The following INTS10 variants were observed in gnomAD, a reference collection of about 807,000 sequenced individuals.
The protein encoded by INTS10 is chromosome 8 open reading frame 35.
Under a neutral mutation model 94.4 loss-of-function variants are expected in INTS10, and 44 were observed. The ratio of observed to expected loss-of-function variants is 0.47; its 90% CI spans 0.37 to 0.60. The LOEUF (loss-of-function observed/expected upper bound fraction) is 0.60, where lower values mean the gene tolerates loss of function less well. INTS10 is among the 20% of genes least tolerant of loss of function. The probability of loss-of-function intolerance (pLI) is 0.00; values close to 1 mark genes in which losing one functional copy is unlikely to be tolerated. For synonymous variants in INTS10, 341 were observed against 320.7 expected, an observed-to-expected ratio of 1.06 and a Z score of -0.68; for missense variants, 797 against 868.7, an observed-to-expected ratio of 0.92 and a Z score of 1.04.
In INTS10 at chr8:19,844,254, G is replaced by A. The variant is rs1490543644; in HGVS notation, c.1882+16G>A. On this transcript the variant is annotated intron_variant, in intron 15 of 16. Coordinates refer to ENST00000397977, the MANE Select transcript of INTS10 (RefSeq NM_018142.4). The stretch of plus-strand genomic sequence containing the variant: ...TACGTTACAAGTATCCTTTTTTCTT[G>A]TTTAAGCATAACACATTCTGATTTT... 1.3e-6 allele frequency: 2 copies of A among 1,558,902 alleles called. No homozygotes were observed. The highest frequency in any genetic ancestry group is 2.7e-5 in the African/African-American group (2 of 73,654).
intron 16 of INTS10, among the ~76,000 whole-genome samples, chr8:19,850,215 C>G (rs2068919626): frequency 6.6e-6 from 1 of 152,098 alleles, no homozygotes; most frequent in Non-Finnish European, 1.5e-5. Flanking sequence ...GTAACCTCCG[C>G]TTGGTCAGAG....
chr8:19,826,500 G>T lies in INTS10; in HGVS notation c.1081G>T (p.Asp361Tyr). The T allele has an allele frequency of 6.2e-7, 1 of 1,613,204 alleles. No individual in the cohort carries two copies. Among genetic ancestry groups the T allele is most frequent in the Non-Finnish European group, 8.5e-7 (1 of 1,179,716 alleles). ...VSNVYGDVEI[D>Y]RNKHIHKKRK... Reference sequence around the variant, plus strand: ...GAATGTGTATGGTGATGTAGAAATTGATCGTAATAAACACATCCATAAAAA... The same window carrying T: ...GAATGTGTATGGTGATGTAGAAATTTATCGTAATAAACACATCCATAAAAA... Residue 361 changes from aspartate to tyrosine, a missense_variant, in exon 9 of 17, where the codon GAT becomes TAT. Physicochemically the swap from Asp to Tyr is radical, Grantham distance 160. Coordinates refer to ENST00000397977, the MANE Select transcript of INTS10 (RefSeq NM_018142.4).
In INTS10 at chr8:19,833,366, A is replaced by C. The variant is rs765463064; in HGVS notation, c.1530+45A>C. ...ATGCCTGCCGCAGGTGCACGGGGCC[A>C]CCTGGCCTTTCTCCTTTCCCTAGCG... On this transcript the variant is annotated intron_variant, in intron 12 of 16. Coordinates refer to ENST00000397977, the MANE Select transcript of INTS10 (RefSeq NM_018142.4). 14 of 1,413,844 alleles carry C rather than the reference A, an allele frequency of 9.9e-6. No homozygotes were observed. In the East Asian group the frequency reaches 3.5e-4, roughly 36 times the overall value. The allele number at this position is 1,413,844 out of a possible 1,614,324, so 87.6% of individuals were successfully genotyped here. A position where few individuals can be genotyped will look rare whatever the true frequency, so the allele number is the denominator to read the frequency against.
At chr8:19,822,022 T>C (rs569424457) in intron 4 of INTS10, 12 of 157,828 alleles carry the variant, frequency 7.6e-5, no homozygotes, top group East Asian at 3.6e-4. Flanking sequence ...TCAGAACTTA[T>C]CTTGAACGTG....
intron 13 of INTS10, 181 bp downstream of exon 13, chr8:19,837,341 G>A: frequency 3.5e-6 from 2 of 571,816 alleles, no homozygotes; most frequent in Non-Finnish European, 3.1e-6. Context: ...ATTTTAAAAA[G>A]AAAAGAAAAA....
Position 19,851,624 on chromosome 8 carries a change from T to G in INTS10, c.1977-25T>G. On this transcript the variant is annotated intron_variant, in intron 16 of 16. Transcript: ENST00000397977. The surrounding 1 kb of genome is among the most constrained non-coding windows in gnomAD (Gnocchi z 5.0). ...TGCTGGTGCTAACCCCTGGTCTTTG[T>G]CTGTTTCCCTATTGCTGACCTCAGG... The G allele has an allele frequency of 6.2e-7, 1 of 1,613,310 alleles. No homozygotes were observed.
At position 19,846,589 on chromosome 8, in the gene INTS10, T is replaced by C. The variant is rs2068606264; in HGVS notation, c.1976+792T>C. ...GACTTACATAACAACGAAGTATTAA[T>C]AGCCAGGTATAGTGCCTCTAAGAAC... On this transcript the variant is annotated intron_variant, in intron 16 of 16. Coordinates refer to ENST00000397977, the MANE Select transcript of INTS10 (RefSeq NM_018142.4). This position sits in a 1 kb window ranked among gnomAD's most constrained non-coding sequence, Gnocchi z 4.2. Among the ~76,000 whole-genome samples, 1 of 152,328 alleles carries C rather than the reference T, an allele frequency of 6.6e-6. No individual in the cohort carries two copies. The highest frequency in any genetic ancestry group is 1.9e-4 in the East Asian group (1 of 5,184).
Position 19,817,443 on chromosome 8 carries a change from TGGCGGCGGCGGC to T in INTS10, c.-89_-78del. On this transcript the variant is annotated 5_prime_UTR_variant, in exon 1 of 17. Transcript: ENST00000397977. ...ACATGCGCAGTAGCCTCCCCCGCGG[TGGCGGCGGCGGC>T]GGCGGTGGCTGCCGTGGCGGCTGAG... The T allele has an allele frequency of 4.7e-6, 7 of 1,483,338 alleles. No individual in the cohort carries two copies. The highest frequency in any genetic ancestry group is 6.3e-6 in the Non-Finnish European group (7 of 1,108,266). 91.9% of individuals were successfully genotyped at this position (1,483,338 alleles called of 1,614,324 possible).
chr8:19,817,484 C>T lies in INTS10; in HGVS notation c.-54C>T, dbSNP rs550205920. 219 of 1,575,882 alleles carry T rather than the reference C, an allele frequency of 1.4e-4. 1 individual carries two copies. The Middle Eastern group carries it at 2.5e-3, about 18-fold the overall frequency. On this transcript the variant is annotated 5_prime_UTR_variant, in exon 1 of 17. Transcript: ENST00000397977. ...GGTGGCTGCCGTGGCGGCTGAGAGT[C>T]CAGAGCCGGACGTTCCGGCCGCTTC...
At chr8:19,825,008 G>T (rs1167650334) in intron 8 of INTS10, 36 bp downstream of exon 8, 1 of 1,555,200 alleles carries the variant, frequency 6.4e-7, no homozygotes, top group Non-Finnish European at 8.9e-7. Context: ...CAAAAAGCCA[G>T]TTCATACTGT....
chr8:19,834,157 G>A (rs2067467061), intron 12 of INTS10, among the ~76,000 whole-genome samples: 1 of 152,152 alleles, frequency 6.6e-6, no homozygotes, highest in South Asian at 2.1e-4. Context: ...AGTACAATAA[G>A]TGTTTGAATT....
intron 13 of INTS10, among the ~76,000 whole-genome samples, chr8:19,839,847 G>A (rs1430383395): frequency 6.6e-6 from 1 of 152,110 alleles, no homozygotes; most frequent in African/African-American, 2.4e-5. Flanking sequence ...TGGATCACTT[G>A]AGGCCAGGAG....
At chr8:19,835,981 A>T (rs2067628421) in intron 12 of INTS10, among the ~76,000 whole-genome samples, 2 of 151,962 alleles carry the variant, frequency 1.3e-5, no homozygotes, top group Admixed American at 6.6e-5. Flanking sequence ...AACATCACAC[A>T]CTGGGGCCTG....
intron 13 of INTS10, among the ~76,000 whole-genome samples, chr8:19,840,173 C>T (rs1313831345): frequency 2.7e-5 from 4 of 147,310 alleles, no homozygotes; most frequent in Admixed American, 6.8e-5. Context: ...TTTTAAGATA[C>T]TATTTCTAAT....
chr8:19,834,157 G>C (rs2067467061), intron 12 of INTS10, among the ~76,000 whole-genome samples: 1 of 152,270 alleles, frequency 6.6e-6, no homozygotes, highest in East Asian at 1.9e-4. Context: ...AGTACAATAA[G>C]TGTTTGAATT....
rs1488656631 is a variant in INTS10, at chr8:19,833,214, C to T, written c.1423C>T (p.Leu475Phe). The change falls in exon 12 of 17, where the codon CTC (leucine) becomes TTC (phenylalanine). Residue 475 changes from leucine (L) to phenylalanine (F), a missense_variant. Around this residue, in one of 3 missense-constraint regions of INTS10, gnomAD observed 734 missense variants for 787.8 expected, o/e 0.93. Transcript: ENST00000397977. The stretch of plus-strand genomic sequence containing the variant: ...AGCCAGCCTGCATCACTTAGCAGCT[C>T]TCCAGGGATCCATTTCTCAGCCACA... ...AIASLHHLAA[L>F]QGSISQPQIT... is the part of the protein sequence containing the mutation. 6 of 1,612,628 alleles carry T rather than the reference C, an allele frequency of 3.7e-6. No individual in the cohort carries two copies. The East Asian group carries it at 1.3e-4, about 36-fold the overall frequency.
chr8:19,850,131 C>CAA (rs36017013), intron 16 of INTS10, among the ~76,000 whole-genome samples: 1 of 130,664 alleles, frequency 7.7e-6, no homozygotes, highest in Non-Finnish European at 1.6e-5. Context: ...GATGCCATCT[C>CAA]AAAAAAAAAA....
chr8:19,833,390 C>A (rs1324411390), intron 12 of INTS10, 69 bp downstream of exon 12: 9 of 1,246,264 alleles, frequency 7.2e-6, no homozygotes, highest in Non-Finnish European at 9.5e-6. Context: ...CTTTCCCTAG[C>A]GTGGCTTTTC....
chr8:19,824,671 A>G (rs1388519412), intron 7 of INTS10, 132 bp from the exon 8 acceptor site: 1 of 591,282 alleles, frequency 1.7e-6, no homozygotes, highest in African/African-American at 1.9e-5. Context: ...TTTATATTGG[A>G]CAATAAAGAA....
Sources: allele counts gnomAD v4.1 joint callset (sites outside exome capture counted in the v4.1 genomes callset), GRCh38; gene constraint gnomAD v4.1.1; regional missense constraint gnomAD v4.1.1; non-coding constraint Gnocchi (gnomAD v3.1); transcripts MANE v1.5; gene names NCBI Gene and HGNC (gene_info 2026-07-23, HGNC 2026-07-21).